Variants in ARAP2 observed in about 807,000 individuals in gnomAD.
ARAP2 encodes the protein ArfGAP with RhoGAP domain, ankyrin repeat and PH domain 2.
ARAP2 carries 148 observed loss-of-function variants against 194.5 expected under a neutral mutation model. The observed-to-expected ratio is 0.76, with a 90% CI of 0.67 to 0.87. The LOEUF (loss-of-function observed/expected upper bound fraction) is 0.87. ARAP2 is among the 40% of genes least tolerant of loss of function. The probability of loss-of-function intolerance (pLI) is 0.00; values close to 1 mark genes in which losing one functional copy is unlikely to be tolerated. For synonymous variants in ARAP2, 695 were observed against 683.5 expected (o/e 1.02, Z -0.26); for missense variants, 2,128 against 1,989.7 (o/e 1.07, Z -1.32).
chr4:36,014,324 G>GAGAAAGAA lies in ARAP2; in HGVS notation n.1056+1054_1056+1061dup, dbSNP rs1181898359. ...AGAGAAGGAAGGAAAGAAAGAAAGA[G>GAGAAAGAA]AGAAAGAAAGAAAGAAAGAAAGAAA... On this transcript the variant is annotated intron_variant and non_coding_transcript_variant, in intron 8 of 12. Coordinates refer to the ARAP2 transcript ENST00000503225. Among the ~76,000 whole-genome samples the GAGAAAGAA allele has an allele frequency of 8.2e-3, 903 of 109,792 alleles. 13 individuals carry two copies. Among genetic ancestry groups the GAGAAAGAA allele is most frequent in the Middle Eastern group, 0.023 (5 of 222 alleles). The allele number at this position is 109,792 out of a possible 152,430, so 72.0% of individuals were successfully genotyped here. A position where few individuals can be genotyped will look rare whatever the true frequency, so the allele number is the denominator to read the frequency against.
At chr4:36,156,406 A>G in intron 15 of ARAP2, among the ~76,000 whole-genome samples, 1 of 7,234 alleles carries the variant, frequency 1.4e-4, no homozygotes, top group Non-Finnish European at 2.2e-4. Context: ...AAAGAAAGAA[A>G]GAAAGAAAGA....
chr4:36,101,518 T>G (rs904326364), intron 27 of ARAP2, among the ~76,000 whole-genome samples: 8 of 151,866 alleles, frequency 5.3e-5, no homozygotes, highest in African/African-American at 1.9e-4. Context: ...TATAATTTAG[T>G]GTGATATATT....
intron 7 of ARAP2, among the ~76,000 whole-genome samples, chr4:36,191,190 C>A (rs1165250163): frequency 6.6e-6 from 1 of 152,140 alleles, no homozygotes; most frequent in South Asian, 2.1e-4. Context: ...GAACTTATAA[C>A]AACATCCCTC....
At chr4:36,041,643 T>C (rs1264638069) in intron 5 of ARAP2, among the ~76,000 whole-genome samples, 1 of 152,120 alleles carries the variant, frequency 6.6e-6, no homozygotes, top group Non-Finnish European at 1.5e-5. Context: ...GAGCTAAAAG[T>C]AGAACTACCA....
At chr4:36,241,709 T>C (rs546805479) in intron 1 of ARAP2, among the ~76,000 whole-genome samples, 1 of 152,294 alleles carries the variant, frequency 6.6e-6, no homozygotes, top group East Asian at 1.9e-4. Flanking sequence ...ATTTGATATA[T>C]TCCAAAAAAA....
chr4:36,128,452 C>A (rs1724493517), intron 21 of ARAP2, 81 bp downstream of exon 21: 1 of 984,890 alleles, frequency 1.0e-6, no homozygotes, highest in Non-Finnish European at 1.4e-6. Context: ...TATTAAAAGG[C>A]AAGCATGTAT....
intron 1 of ARAP2, among the ~76,000 whole-genome samples, chr4:36,231,655 T>C (rs868512322): frequency 5.9e-5 from 9 of 152,174 alleles, no homozygotes; most frequent in South Asian, 2.1e-4. Context: ...CCCCTGTTCA[T>C]AAAAACCTTA....
intron 1 of ARAP2, chr4:36,243,479 TGTG>T (rs1260507909): frequency 2.0e-5 from 3 of 152,050 alleles, no homozygotes; most frequent in Non-Finnish European, 4.4e-5. Context: ...CTTATTTTCT[TGTG>T]TTTTCCTCTA....
chr4:36,161,540 T>G lies in ARAP2; in HGVS notation c.2184A>C (p.Arg728Ser). ...CCTTGGAATCTTTTGGTCCTAAAGA[T>G]CTATGCTGTCCTAGAGTCAAAACAC... ...VICKKCAGQH[R>S]SLGPKDSKVR... The change falls in exon 12 of 33, where the codon AGA (arginine) becomes AGC (serine). Residue 728 changes from arginine (R) to serine (S), a missense_variant. Transcript: ENST00000303965. The G allele has an allele frequency of 6.2e-7, 1 of 1,613,160 alleles. No individual in the cohort carries two copies. The highest frequency in any genetic ancestry group is 8.5e-7 in the Non-Finnish European group (1 of 1,179,110).
At chr4:36,009,618 A>T (rs1288675544) in intron 9 of ARAP2, among the ~76,000 whole-genome samples, 2 of 152,110 alleles carry the variant, frequency 1.3e-5, no homozygotes, top group Admixed American at 1.3e-4. Context: ...TTTGTATCAG[A>T]TCTGCATATT....
At chr4:36,226,278 C>T (rs1750287798) in intron 2 of ARAP2, among the ~76,000 whole-genome samples, 1 of 152,102 alleles carries the variant, frequency 6.6e-6, no homozygotes, top group Non-Finnish European at 1.5e-5. Context: ...ACAAAGCTTA[C>T]AACAGAAGGA....
rs1464940837 is a variant in ARAP2, at chr4:36,124,934, T to C, written c.3674A>G (p.Tyr1225Cys). The stretch of plus-strand genomic sequence containing the variant: ...TGGAAGAGAACGTATAAATGCTCCA[T>C]ATTTTTTAATTCTTTCCTTGTCATC... ...TQDDKERIKK[Y>C]GAFIRSLPGV... Residue 1225 changes from tyrosine to cysteine, a missense_variant, in exon 22 of 33, where the codon TAT becomes TGT. Coordinates refer to ENST00000303965, the MANE Select transcript of ARAP2 (RefSeq NM_015230.4). 1.9e-6 allele frequency: 3 copies of C among 1,610,774 alleles called. No individual in the cohort carries two copies. Among genetic ancestry groups the C allele is most frequent in the Middle Eastern group, 1.7e-4 (1 of 6,044 alleles).
Position 36,082,130 on chromosome 4 carries a change from C to G in ARAP2, c.4544+121G>C, listed in dbSNP as rs1007937016. ...TAGGCTCAAAGTCTTTACAAACAAC[C>G]CTAATTTCACTTAGGCAAAACACTT... On this transcript the variant is annotated intron_variant, in intron 30 of 32. Transcript: ENST00000303965. 7.8e-6 allele frequency: 7 copies of G among 897,248 alleles called. No homozygotes were observed. The African/African-American group carries it at 1.0e-4, about 13-fold the overall frequency. The allele number at this position is 897,248 out of a possible 1,614,324, so 55.6% of individuals were successfully genotyped here. A position where few individuals can be genotyped will look rare whatever the true frequency, so the allele number is the denominator to read the frequency against.
intron 5 of ARAP2, among the ~76,000 whole-genome samples, chr4:36,023,595 G>A (rs1214888379): frequency 6.6e-6 from 1 of 151,876 alleles, no homozygotes; most frequent in Admixed American, 6.6e-5. Context: ...AATCTATACT[G>A]CCTGATTTGC....
chr4:36,211,482 T>C (rs1031488609), intron 5 of ARAP2, among the ~76,000 whole-genome samples: 26 of 152,194 alleles, frequency 1.7e-4, no homozygotes, highest in Non-Finnish European at 2.2e-4. Flanking sequence ...CAGATATGCC[T>C]GGGCTCAAAT....
At chr4:36,190,501 T>G (rs1741632963) in intron 7 of ARAP2, among the ~76,000 whole-genome samples, 1 of 152,232 alleles carries the variant, frequency 6.6e-6, no homozygotes, top group South Asian at 2.1e-4. Flanking sequence ...TCATTTTTAA[T>G]ATTTCTTGAA....
At chr4:36,225,140 C>T (rs967404875) in intron 2 of ARAP2, among the ~76,000 whole-genome samples, 1 of 152,146 alleles carries the variant, frequency 6.6e-6, no homozygotes, top group African/African-American at 2.4e-5. Context: ...AGTTTTCTAA[C>T]AGTTGTACTT....
rs1408286454 is a variant in ARAP2 at position 36,034,047 on chromosome 4, T to C, written n.607+11932A>G. ...TAGTAGCATGCTGTTTTGGTCACTGTAGCAATGTAGTATAGTTTGAACTTG... is the reference window on the plus strand; with the variant it reads ...TAGTAGCATGCTGTTTTGGTCACTGCAGCAATGTAGTATAGTTTGAACTTG... On this transcript the variant is annotated intron_variant and non_coding_transcript_variant, in intron 5 of 12. Coordinates refer to the ARAP2 transcript ENST00000503225. Among the ~76,000 whole-genome samples, 3 of 152,174 alleles carry C rather than the reference T, an allele frequency of 2.0e-5. No individual in the cohort carries two copies. In the East Asian group the frequency reaches 5.8e-4, roughly 29 times the overall value.
In ARAP2 at chr4:36,150,936, A is replaced by C. The variant is rs757805863; in HGVS notation, c.2861T>G (p.Leu954Arg). 1 of 1,613,296 alleles carries C rather than the reference A, an allele frequency of 6.2e-7. No individual in the cohort carries two copies. The highest frequency in any genetic ancestry group is 8.5e-7 in the Non-Finnish European group (1 of 1,179,648). ...ATAGAAGTCCTCTTTGTGTATAGCC[A>C]GGCAGATAACTTCATTGATATTAAT... ...GTININEVIC[L>R]AIHKEDFYLN... The change falls in exon 16 of 33, where the codon CTG becomes CGG. Residue 954 changes from leucine to arginine, a missense_variant. Leu to Arg is a moderately radical substitution (Grantham distance 102). Coordinates refer to ENST00000303965, the MANE Select transcript of ARAP2 (RefSeq NM_015230.4).
Sources: allele counts gnomAD v4.1 joint callset (sites outside exome capture counted in the v4.1 genomes callset), GRCh38; gene constraint gnomAD v4.1.1; transcripts MANE v1.5; gene names NCBI Gene and HGNC (gene_info 2026-07-23, HGNC 2026-07-21).